GAB2: variants seen among roughly 807,000 people sequenced by gnomAD.
GAB2 encodes the protein GRB2 associated binding protein 2, also known as GRB2-associated-binding protein 2.
GAB2 carries 26 observed loss-of-function variants against 65.5 expected under a neutral mutation model. The observed-to-expected ratio is 0.40, with a 90% CI of 0.29 to 0.55. GAB2 has a LOEUF of 0.55. Among genes scored for constraint, GAB2 ranks in the 20% least tolerant of loss-of-function variants. The probability of loss-of-function intolerance (pLI) is 0.53; values close to 1 mark genes in which losing one functional copy is unlikely to be tolerated. For missense variants in GAB2, 884 were observed against 875.8 expected (o/e 1.01, Z -0.12); for synonymous variants, 321 against 329.6 (o/e 0.97, Z 0.28).
At chr11:78,330,145 G>A (rs1273404375) in intron 1 of GAB2, among the ~76,000 whole-genome samples, 1 of 152,200 alleles carries the variant, frequency 6.6e-6, no homozygotes, top group Non-Finnish European at 1.5e-5. Flanking sequence ...GCTATGGGGT[G>A]TGGGTGGGGG....
At chr11:78,308,296 G>A (rs1297034414) in intron 1 of GAB2, among the ~76,000 whole-genome samples, 1 of 152,150 alleles carries the variant, frequency 6.6e-6, no homozygotes, top group African/African-American at 2.4e-5. Context: ...GCATACGGGA[G>A]GCTGAGGGTG....
intron 3 of GAB2, among the ~76,000 whole-genome samples, chr11:78,231,181 C>A (rs1864836379): frequency 6.6e-6 from 1 of 152,170 alleles, no homozygotes; most frequent in African/African-American, 2.4e-5. Context: ...TATGGGAGCT[C>A]CCCAGAATCA....
intron 2 of GAB2, among the ~76,000 whole-genome samples, chr11:78,274,334 T>C (rs1361728287): frequency 6.6e-6 from 1 of 152,166 alleles, no homozygotes; most frequent in African/African-American, 2.4e-5. Flanking sequence ...AGGGAGTATC[T>C]GCTTGAAAGA....
At chr11:78,222,530 TATATATTA>T (rs1442127713) in intron 6 of GAB2, among the ~76,000 whole-genome samples, 3 of 148,178 alleles carry the variant, frequency 2.0e-5, no homozygotes, top group East Asian at 3.9e-4. Flanking sequence ...AAAATATATT[TATATATTA>T]ATATATTAAT....
chr11:78,243,625 G>C (rs1344483254), intron 3 of GAB2, among the ~76,000 whole-genome samples: 1 of 151,836 alleles, frequency 6.6e-6, no homozygotes, highest in Non-Finnish European at 1.5e-5. Flanking sequence ...CAGATCACGA[G>C]GTCAGGGGAT....
At chr11:78,251,477 C>T (rs992739800) in intron 2 of GAB2, among the ~76,000 whole-genome samples, 8 of 152,236 alleles carry the variant, frequency 5.3e-5, no homozygotes, top group African/African-American at 1.9e-4. Context: ...ATTCATTTGG[C>T]TGGCTCTCTA....
rs1439789112 is a variant in GAB2, at chr11:78,218,497, C to G, written c.*775G>C. 1 of 152,744 alleles carries G rather than the reference C, an allele frequency of 6.5e-6. No homozygotes were observed. Among genetic ancestry groups the G allele is most frequent in the Non-Finnish European group, 1.5e-5 (1 of 68,464 alleles). The allele number at this position is 152,744 out of a possible 1,614,324, so 9.5% of individuals were successfully genotyped here. The stretch of plus-strand genomic sequence containing the variant: ...TCTGGGGACCCAGACCCCACAGTGT[C>G]CTTGTCATCTCCACCACCCGAGCTC... On this transcript the variant is annotated 3_prime_UTR_variant, in exon 10 of 10. Coordinates refer to ENST00000361507, the MANE Select transcript of GAB2 (RefSeq NM_080491.3).
chr11:78,388,779 TCCCA>T (rs1856799234), intron 1 of GAB2, among the ~76,000 whole-genome samples: 1 of 152,186 alleles, frequency 6.6e-6, no homozygotes, highest in Non-Finnish European at 1.5e-5. Flanking sequence ...ATGATTCTAT[TCCCA>T]CCATCAGTCC....
intron 2 of GAB2, among the ~76,000 whole-genome samples, chr11:78,275,165 A>C (rs1866130694): frequency 6.6e-6 from 1 of 152,178 alleles, no homozygotes. Context: ...AGTAAAAGGA[A>C]AGCAGTGTTG....
chr11:78,355,373 A>G (rs1187512947), intron 1 of GAB2, among the ~76,000 whole-genome samples: 4 of 152,160 alleles, frequency 2.6e-5, no homozygotes, highest in Admixed American at 6.5e-5. Flanking sequence ...GATTCCATGA[A>G]CAGGAGAGAC....
chr11:78,362,235 C>G (rs1856443965), intron 1 of GAB2, among the ~76,000 whole-genome samples: 1 of 151,972 alleles, frequency 6.6e-6, no homozygotes. Flanking sequence ...AAGATAAATA[C>G]ACCAGGTTAT....
At chr11:78,379,602 T>C (rs536596918) in intron 1 of GAB2, among the ~76,000 whole-genome samples, 28 of 152,374 alleles carry the variant, frequency 1.8e-4, no homozygotes, top group Admixed American at 1.6e-3. Context: ...CTATATTTCA[T>C]TAATTCAAAT....
chr11:78,228,258 A>G (rs1290431919), intron 3 of GAB2, among the ~76,000 whole-genome samples: 1 of 152,178 alleles, frequency 6.6e-6, no homozygotes, highest in Non-Finnish European at 1.5e-5. Flanking sequence ...TTGGAGGGTG[A>G]GGTTCTGAGC....
chr11:78,293,138 T>A (rs1362047531), intron 1 of GAB2, among the ~76,000 whole-genome samples: 1 of 152,200 alleles, frequency 6.6e-6, no homozygotes, highest in Non-Finnish European at 1.5e-5. Context: ...AGTCCAAAGT[T>A]ATTTCCACTC....
chr11:78,244,663 T>TAAAAA (rs36056237), intron 3 of GAB2, among the ~76,000 whole-genome samples: 49 of 74,694 alleles, frequency 6.6e-4, no homozygotes, highest in East Asian at 1.6e-3. Flanking sequence ...ACATTCATAG[T>TAAAAA]AAAAAAAAAA....
At chr11:78,305,504 C>G (rs563496449) in intron 1 of GAB2, among the ~76,000 whole-genome samples, 1 of 152,270 alleles carries the variant, frequency 6.6e-6, no homozygotes, top group African/African-American at 2.4e-5. Flanking sequence ...TGCCTTGCAG[C>G]CAGCCTTCTT....
At chr11:78,253,989 AGT>A (rs1865528921) in intron 2 of GAB2, among the ~76,000 whole-genome samples, 1 of 152,198 alleles carries the variant, frequency 6.6e-6, no homozygotes, top group Non-Finnish European at 1.5e-5. Flanking sequence ...TTTGGCTGTG[AGT>A]ATGAATAAAA....
At chr11:78,254,558 G>A (rs1296094149) in intron 2 of GAB2, among the ~76,000 whole-genome samples, 1 of 152,150 alleles carries the variant, frequency 6.6e-6, no homozygotes, top group Non-Finnish European at 1.5e-5. Context: ...CCAACGCTTT[G>A]GGAGGCCAAG....
At chr11:78,297,466 T>G (rs1308253833) in intron 1 of GAB2, among the ~76,000 whole-genome samples, 3 of 152,234 alleles carry the variant, frequency 2.0e-5, no homozygotes, top group East Asian at 3.9e-4. Context: ...TAAGCAATAC[T>G]GGGTGTGAGG....
Sources: gnomAD v4.1 joint callset for allele counts (sites outside exome capture counted in the v4.1 genomes callset) on GRCh38, gnomAD v4.1.1 for gene constraint, MANE v1.5 for transcripts, NCBI Gene and HGNC (gene_info 2026-07-23, HGNC 2026-07-21) for gene names.